The following LZTFL1 variants were observed in gnomAD, a reference collection of about 807,000 sequenced individuals.
LZTFL1 encodes the protein leucine zipper transcription factor-like protein 1.
A neutral mutation model predicts 45.9 loss-of-function variants in LZTFL1; 25 were observed. The observed-to-expected ratio is 0.54, with a 90% CI of 0.40 to 0.76. The LOEUF (loss-of-function observed/expected upper bound fraction) is 0.76. Among genes scored for constraint, LZTFL1 ranks in the 30% least tolerant of loss-of-function variants. The pLI is 0.00. For synonymous variants in LZTFL1, 93 were observed against 117.4 expected (o/e 0.79, Z 1.35); for missense variants, 277 against 331.1 (o/e 0.84, Z 1.27).
At chr3:45,909,633 T>C (rs1289669171) in intron 2 of LZTFL1, among the ~76,000 whole-genome samples, 3 of 152,204 alleles carry the variant, frequency 2.0e-5, no homozygotes, top group African/African-American at 7.2e-5. Flanking sequence ...AAATAAGAAA[T>C]GGAGACTGGA....
intron 8 of LZTFL1, 21 bp from the exon 9 acceptor site, chr3:45,827,480 G>T (rs376677114): frequency 2.8e-6 from 4 of 1,431,900 alleles, no homozygotes; most frequent in African/African-American, 2.8e-5. Flanking sequence ...AAAAATGTCA[G>T]CCCATTACTA....
chr3:45,845,314 C>T (rs1701201705), upstream of LZTFL1, among the ~76,000 whole-genome samples: 1 of 152,124 alleles, frequency 6.6e-6, no homozygotes, highest in African/African-American at 2.4e-5. Flanking sequence ...TTCAAGCTTG[C>T]AGAATAATTT....
intron 4 of LZTFL1, among the ~76,000 whole-genome samples, chr3:45,851,253 G>A (rs1232982929): frequency 7.1e-6 from 1 of 141,506 alleles, no homozygotes; most frequent in Non-Finnish European, 1.5e-5. Flanking sequence ...TTGAGATGGA[G>A]TCTAGTTTTG....
At chr3:45,897,718 T>G in intron 2 of LZTFL1, 1 of 912,056 alleles carries the variant, frequency 1.1e-6, no homozygotes, top group East Asian at 2.8e-5. Flanking sequence ...TCCCTTGTGC[T>G]TGTCCTTCTG....
chr3:45,912,686 C>A (rs936530556), intron 2 of LZTFL1, among the ~76,000 whole-genome samples: 1 of 152,184 alleles, frequency 6.6e-6, no homozygotes, highest in Non-Finnish European at 1.5e-5. Flanking sequence ...TCAACCCCAG[C>A]CACGATTAGC....
intron 2 of LZTFL1, among the ~76,000 whole-genome samples, chr3:45,892,375 C>T (rs1259344615): frequency 1.3e-5 from 2 of 152,098 alleles, no homozygotes; most frequent in Non-Finnish European, 2.9e-5. Flanking sequence ...GAATACTACA[C>T]AGCCATAAAA....
intron 2 of LZTFL1, among the ~76,000 whole-genome samples, chr3:45,897,173 C>A (rs574323632): frequency 1.3e-5 from 2 of 152,242 alleles, no homozygotes; most frequent in Non-Finnish European, 2.9e-5. Context: ...TGAGGGATTT[C>A]CAGAGGATTT....
At position 45,828,539 on chromosome 3, in the gene LZTFL1, A is replaced by AGT; in HGVS notation, c.675_676dup (p.Leu226HisfsTer37). The AGT allele has an allele frequency of 6.2e-7, 1 of 1,614,144 alleles. No homozygotes were observed. The highest frequency in any genetic ancestry group is 8.5e-7 in the Non-Finnish European group (1 of 1,179,988). On this transcript the variant is annotated frameshift_variant, in exon 8 of 10. Coordinates refer to ENST00000296135, the MANE Select transcript of LZTFL1 (RefSeq NM_020347.4). LOFTEE classifies it high-confidence loss of function. The stretch of plus-strand genomic sequence containing the variant: ...CTTCTGGTTTTCTGTCTTGTCATTA[A>AGT]GTGTCTTCTGAAACTCACTCTTTAA...
intron 4 of LZTFL1, among the ~76,000 whole-genome samples, chr3:45,848,458 G>A (rs1025521578): frequency 5.3e-5 from 8 of 152,128 alleles, no homozygotes; most frequent in Non-Finnish European, 5.9e-5. Context: ...ACAGTATTGC[G>A]CTACACACAA....
At chr3:45,871,674 A>AT (rs34195376) in intron 2 of LZTFL1, among the ~76,000 whole-genome samples, 60 of 150,136 alleles carry the variant, frequency 4.0e-4, no homozygotes, top group Middle Eastern at 3.5e-3. Context: ...GTGTATGTGC[A>AT]TTTTTTTTTT....
chr3:45,848,294 T>C (rs1276351082), intron 4 of LZTFL1, among the ~76,000 whole-genome samples: 1 of 152,236 alleles, frequency 6.6e-6, no homozygotes, highest in African/African-American at 2.4e-5. Context: ...CAATGGTCCT[T>C]ATGCTGGAGG....
chr3:45,877,944 C>T (rs1701779898), intron 2 of LZTFL1, among the ~76,000 whole-genome samples: 1 of 152,038 alleles, frequency 6.6e-6, no homozygotes, highest in African/African-American at 2.4e-5. Flanking sequence ...CAGTGTTTCA[C>T]CATGTTGACC....
rs376933562 is a variant in LZTFL1, at chr3:45,915,066, C to T, written c.-273+355G>A. Among the ~76,000 whole-genome samples the T allele has an allele frequency of 9.9e-5, 15 of 152,262 alleles. No homozygotes were observed. In the East Asian group the frequency reaches 1.7e-3, roughly 18 times the overall value. On this transcript the variant is annotated intron_variant, in intron 1 of 4. Coordinates refer to the LZTFL1 transcript ENST00000472635. Reference sequence around the variant, plus strand: ...CCACCTCTGAGGCAGAGGAACAAACCGGCTTGTCTTTCCACATCAGCAGTC... The same window carrying T: ...CCACCTCTGAGGCAGAGGAACAAACTGGCTTGTCTTTCCACATCAGCAGTC...
At chr3:45,897,612 A>G (rs1702399120) in intron 2 of LZTFL1, 1 of 1,535,344 alleles carries the variant, frequency 6.5e-7, no homozygotes, top group Admixed American at 2.0e-5. Context: ...CCAGGAATCC[A>G]TCTCCTTCCA....
intron 2 of LZTFL1, chr3:45,883,699 GC>G: frequency 3.5e-6 from 2 of 572,156 alleles, no homozygotes; most frequent in Admixed American, 2.3e-5. Flanking sequence ...AAAGAGCAAA[GC>G]CCAGAAAAGG....
intron 2 of LZTFL1, among the ~76,000 whole-genome samples, chr3:45,897,928 C>T (rs1206127953): frequency 1.4e-5 from 2 of 143,836 alleles, no homozygotes; most frequent in Non-Finnish European, 3.0e-5. Flanking sequence ...ATTTGCTTCA[C>T]AGCCGTGGGC....
chr3:45,873,910 C>T (rs567473290), intron 2 of LZTFL1, among the ~76,000 whole-genome samples: 13 of 152,144 alleles, frequency 8.5e-5, no homozygotes, highest in African/African-American at 2.7e-4. Flanking sequence ...AGTCAGTTTG[C>T]TTCCCTATCA....
chr3:45,879,260 T>C (rs1701808245), intron 2 of LZTFL1, among the ~76,000 whole-genome samples: 1 of 152,342 alleles, frequency 6.6e-6, no homozygotes, highest in Admixed American at 6.5e-5. Context: ...GGAACCAAGA[T>C]GTCCTTCAGC....
intron 2 of LZTFL1, chr3:45,895,193 A>T: frequency 5.4e-6 from 3 of 552,896 alleles, no homozygotes; most frequent in Non-Finnish European, 9.6e-6. Context: ...ATGTGGTGTT[A>T]TAAACAGCTA....
Sources: allele counts gnomAD v4.1 joint callset (sites outside exome capture counted in the v4.1 genomes callset), GRCh38; gene constraint gnomAD v4.1.1; transcripts MANE v1.5; gene names NCBI Gene and HGNC (gene_info 2026-07-23, HGNC 2026-07-21).